The following FRMD4B variants were observed in gnomAD, a reference collection of about 807,000 sequenced individuals.
FRMD4B encodes the protein FERM domain containing 4B.
In FRMD4B, 74 loss-of-function variants were observed where a neutral mutation model predicts 141.5. The observed-to-expected ratio is 0.52, with a 90% CI of 0.43 to 0.63. The LOEUF (loss-of-function observed/expected upper bound fraction) is 0.63. FRMD4B is among the 30% of genes least tolerant of loss of function. FRMD4B has a pLI of 0.00. For synonymous variants in FRMD4B, 506 were observed against 467.9 expected (o/e 1.08, Z -1.05); for missense variants, 1,366 against 1,253.4 (o/e 1.09, Z -1.36).
chr3:69,316,224 T>G lies in FRMD4B; in HGVS notation c.163-2707A>C, dbSNP rs1198083074. On this transcript the variant is annotated intron_variant, in intron 1 of 22. Coordinates refer to ENST00000398540, the MANE Select transcript of FRMD4B (RefSeq NM_015123.3). ...TAAGAGGTAAGTGAGTAAGCTTTAC[T>G]TTGTCTCATGGCCTAAGCCTATGTC... Among the ~76,000 whole-genome samples the G allele has an allele frequency of 7.9e-5, 12 of 152,334 alleles. 1 individual carries two copies. The highest frequency in any genetic ancestry group is 7.8e-4 in the Admixed American group (12 of 15,302).
chr3:69,332,083 T>C (rs1029728524), intron 1 of FRMD4B, among the ~76,000 whole-genome samples: 44 of 151,884 alleles, frequency 2.9e-4, no homozygotes, highest in African/African-American at 1.0e-3. Context: ...CAAGACTCCA[T>C]CTCAGAAAAA....
At chr3:69,233,435 G>T (rs112940139) in intron 7 of FRMD4B, among the ~76,000 whole-genome samples, 1 of 149,282 alleles carries the variant, frequency 6.7e-6, no homozygotes, top group Non-Finnish European at 1.5e-5. Flanking sequence ...AATGAGCCAC[G>T]ATCGCCTACT....
intron 22 of FRMD4B, among the ~76,000 whole-genome samples, chr3:69,173,270 T>C (rs141010355): frequency 5.2e-4 from 79 of 152,338 alleles, no homozygotes; most frequent in African/African-American, 1.8e-3. Context: ...CTTCAACATT[T>C]CTACTTCGGA....
intron 1 of FRMD4B, among the ~76,000 whole-genome samples, chr3:69,321,978 G>A (rs777031590): frequency 1.3e-5 from 2 of 152,144 alleles, no homozygotes; most frequent in African/African-American, 2.4e-5. Context: ...AAAGTGCTGG[G>A]ATTACAGCTG....
Position 69,216,364 on chromosome 3 carries a change from A to T in FRMD4B, c.790-15T>A. 7.2e-7 allele frequency: 1 copy of T among 1,384,540 alleles called. No homozygotes were observed. Among genetic ancestry groups the T allele is most frequent in the Non-Finnish European group, 1.0e-6 (1 of 987,176 alleles). The allele number at this position is 1,384,540 out of a possible 1,614,324, so 85.8% of individuals were successfully genotyped here. Reference sequence around the variant, plus strand: ...CCTTGCTTATCCTAGAAGATGAAAAAGCATGAGAACCAAGACCTAGCTGTT... The same window carrying T: ...CCTTGCTTATCCTAGAAGATGAAAATGCATGAGAACCAAGACCTAGCTGTT... On this transcript the variant is annotated splice_polypyrimidine_tract_variant and intron_variant, in intron 10 of 22. Transcript: ENST00000398540.
chr3:69,274,903 C>T (rs1367162001), intron 5 of FRMD4B, among the ~76,000 whole-genome samples: 1 of 152,150 alleles, frequency 6.6e-6, no homozygotes, highest in African/African-American at 2.4e-5. Context: ...GGGATTCCCA[C>T]ATAAAGGAAA....
chr3:69,273,983 G>A (rs1394789015), intron 5 of FRMD4B, among the ~76,000 whole-genome samples: 2 of 152,044 alleles, frequency 1.3e-5, no homozygotes, highest in Admixed American at 1.3e-4. Context: ...AGGATGAGTG[G>A]AAATTTGCCA....
At chr3:69,438,294 C>G (rs931920093) in intron 1 of FRMD4B, among the ~76,000 whole-genome samples, 2 of 151,832 alleles carry the variant, frequency 1.3e-5, no homozygotes, top group Admixed American at 1.3e-4. Context: ...TTTGTAGAGA[C>G]AGGTTCTCGC....
intron 14 of FRMD4B, 129 bp from the exon 15 acceptor site, chr3:69,195,493 C>G (rs2092893348): frequency 5.5e-6 from 4 of 725,410 alleles, no homozygotes; most frequent in Non-Finnish European, 6.4e-6. Flanking sequence ...TGTTTCTCAA[C>G]ATAATAAAAG....
intron 7 of FRMD4B, among the ~76,000 whole-genome samples, chr3:69,245,315 CTTTG>C (rs1201794126): frequency 4.3e-5 from 5 of 115,924 alleles, no homozygotes; most frequent in African/African-American, 1.6e-4. Context: ...GCCTGACTTT[CTTTG>C]TGTGTGTGTG....
intron 1 of FRMD4B, among the ~76,000 whole-genome samples, chr3:69,478,820 T>C (rs961937131): frequency 1.3e-5 from 2 of 151,928 alleles, no homozygotes; most frequent in Non-Finnish European, 2.9e-5. Context: ...AAGTCTCCCA[T>C]TATTATTGTG....
chr3:69,458,883 T>C (rs1478601451), intron 1 of FRMD4B, among the ~76,000 whole-genome samples: 3 of 144,266 alleles, frequency 2.1e-5, no homozygotes, highest in Admixed American at 1.4e-4. Context: ...AGGAGTCTAA[T>C]TTGCTCCAAA....
At chr3:69,366,226 C>T (rs1297790899) in intron 1 of FRMD4B, among the ~76,000 whole-genome samples, 1 of 150,636 alleles carries the variant, frequency 6.6e-6, no homozygotes, top group African/African-American at 2.5e-5. Context: ...CATCACTGCA[C>T]TCCAACCTAG....
chr3:69,377,906 G>T (rs935488287), intron 1 of FRMD4B, among the ~76,000 whole-genome samples: 1 of 151,682 alleles, frequency 6.6e-6, no homozygotes, highest in Admixed American at 6.6e-5. Flanking sequence ...TGCCTCCCGG[G>T]TTTAAGCCAT....
chr3:69,410,738 T>A (rs1053208378), intron 2 of FRMD4B, among the ~76,000 whole-genome samples: 681 of 13,076 alleles, frequency 0.052, 24 homozygotes, highest in African/African-American at 0.21. Context: ...TATATATATA[T>A]ATATATATAT....
chr3:69,438,333 C>A (rs1470369461), intron 1 of FRMD4B, among the ~76,000 whole-genome samples: 3 of 151,872 alleles, frequency 2.0e-5, no homozygotes, highest in African/African-American at 7.3e-5. Context: ...CCTGAACTCT[C>A]GGTTTCAAAT....
At chr3:69,509,801 C>T (rs1181119357) in intron 1 of FRMD4B, among the ~76,000 whole-genome samples, 1 of 151,896 alleles carries the variant, frequency 6.6e-6, no homozygotes, top group Non-Finnish European at 1.5e-5. Flanking sequence ...ACAGCATGTA[C>T]TCACTTTATG....
intron 1 of FRMD4B, among the ~76,000 whole-genome samples, chr3:69,354,623 T>C (rs1703259663): frequency 1.3e-5 from 2 of 152,038 alleles, no homozygotes; most frequent in Non-Finnish European, 2.9e-5. Flanking sequence ...CTGGGGAAAT[T>C]AAAAGAGATA....
At chr3:69,539,302 G>A (rs1009417604) in intron 1 of FRMD4B, among the ~76,000 whole-genome samples, 1 of 152,202 alleles carries the variant, frequency 6.6e-6, no homozygotes, top group South Asian at 2.1e-4. Flanking sequence ...GAATCAAACG[G>A]AGAACTAGGA....
Sources: gnomAD v4.1 joint callset for allele counts (sites outside exome capture counted in the v4.1 genomes callset) on GRCh38, gnomAD v4.1.1 for gene constraint, MANE v1.5 for transcripts, NCBI Gene and HGNC (gene_info 2026-07-23, HGNC 2026-07-21) for gene names.